HSD17B12: variants seen among roughly 807,000 people sequenced by gnomAD.
The protein encoded by HSD17B12 is hydroxysteroid 17-beta dehydrogenase 12.
A neutral mutation model predicts 39.3 loss-of-function variants in HSD17B12; 32 were observed. That is an observed-to-expected ratio of 0.81 (90% CI 0.61 to 1.09). The LOEUF is 1.09. HSD17B12 is among the 50% of genes least tolerant of loss of function. The probability of loss-of-function intolerance (pLI) is 0.00; values close to 1 mark genes in which losing one functional copy is unlikely to be tolerated. For missense variants in HSD17B12, 342 were observed against 382.9 expected, an observed-to-expected ratio of 0.89 and a Z score of 0.89; for synonymous variants, 150 against 146.7, an observed-to-expected ratio of 1.02 and a Z score of -0.16.
At position 43,757,378 on chromosome 11, in the gene HSD17B12, A is replaced by C. The variant is rs1200115643; in HGVS notation, c.283+3257A>C. ...GCCGGGCGCGGTGGCTCACGCCTGT[A>C]ATCCCAGCACTTTGGGAGGCCGAGG... On this transcript the variant is annotated intron_variant, in intron 3 of 10. Coordinates refer to ENST00000278353, the MANE Select transcript of HSD17B12 (RefSeq NM_016142.3). Among the ~76,000 whole-genome samples the C allele has an allele frequency of 3.9e-5, 6 of 152,158 alleles. No individual in the cohort carries two copies. In the East Asian group the frequency reaches 1.2e-3, roughly 29 times the overall value.
At chr11:43,567,930 T>G in the HSD17B12 span, among the ~76,000 whole-genome samples, 3 of 152,150 alleles carry the variant, frequency 2.0e-5, no homozygotes, top group African/African-American at 7.2e-5. Context: ...ATTCTTATGA[T>G]TCTCCTGAGT....
At chr11:43,684,464 GTT>G (rs1265908872) in intron 1 of HSD17B12, among the ~76,000 whole-genome samples, 1 of 152,220 alleles carries the variant, frequency 6.6e-6, no homozygotes, top group Non-Finnish European at 1.5e-5. Flanking sequence ...TATTTGAGTA[GTT>G]TCCATTGCTG....
chr11:43,759,814 A>G (rs1229144265), intron 3 of HSD17B12, among the ~76,000 whole-genome samples: 1 of 151,206 alleles, frequency 6.6e-6, no homozygotes, highest in Non-Finnish European at 1.5e-5. Context: ...TGTGACCTCA[A>G]CCTCCCAGGC....
At chr11:43,637,217 C>CT in the HSD17B12 span, among the ~76,000 whole-genome samples, 889 of 109,462 alleles carry the variant, frequency 8.1e-3, 21 homozygotes, top group East Asian at 0.03. Context: ...GGTGTTTTTC[C>CT]TTTTTTTTTT....
chr11:43,693,062 A>G (rs1440025793), intron 1 of HSD17B12, among the ~76,000 whole-genome samples: 11 of 152,208 alleles, frequency 7.2e-5, no homozygotes, highest in Non-Finnish European at 2.9e-5. Flanking sequence ...GATGTTAGCA[A>G]CCTCTTCACT....
At chr11:43,582,167 A>G in the HSD17B12 span, among the ~76,000 whole-genome samples, 9 of 152,262 alleles carry the variant, frequency 5.9e-5, no homozygotes, top group Admixed American at 4.6e-4. Flanking sequence ...TTCAAAACTA[A>G]GTAGCACGGA....
chr11:43,725,498 CA>C (rs1218601691), intron 1 of HSD17B12, among the ~76,000 whole-genome samples: 1 of 152,154 alleles, frequency 6.6e-6, no homozygotes, highest in African/African-American at 2.4e-5. Flanking sequence ...ACAGAATACA[CA>C]ACTATGGTGG....
At chr11:43,715,624 A>G (rs1259172741) in intron 1 of HSD17B12, among the ~76,000 whole-genome samples, 3 of 152,084 alleles carry the variant, frequency 2.0e-5, no homozygotes, top group African/African-American at 7.2e-5. Flanking sequence ...TGGTATCAGG[A>G]TGATGCTGGC....
chr11:43,580,280 G>A, the HSD17B12 span, among the ~76,000 whole-genome samples: 1 of 151,436 alleles, frequency 6.6e-6, no homozygotes, highest in East Asian at 2.0e-4. Flanking sequence ...TCCTCCCGCA[G>A]AAGGTGGAAT....
the HSD17B12 span, among the ~76,000 whole-genome samples, chr11:43,574,951 T>C: frequency 2.0e-5 from 3 of 152,196 alleles, no homozygotes; most frequent in African/African-American, 7.2e-5. Context: ...GTGAGTTTCC[T>C]CTTCGGGTGG....
the HSD17B12 span, among the ~76,000 whole-genome samples, chr11:43,587,034 C>T: frequency 6.6e-6 from 1 of 152,298 alleles, no homozygotes; most frequent in African/African-American, 2.4e-5. Flanking sequence ...ACAAAGCTGA[C>T]AAGCGGTGGA....
intron 1 of HSD17B12, among the ~76,000 whole-genome samples, chr11:43,730,431 A>G (rs968922358): frequency 1.3e-5 from 2 of 152,204 alleles, no homozygotes; most frequent in Non-Finnish European, 2.9e-5. Flanking sequence ...GGGGTTTACC[A>G]AAAAGTAGAA....
At position 43,831,071 on chromosome 11, in the gene HSD17B12, G is replaced by GA. The variant is rs1951305205; in HGVS notation, c.536+63dup. On this transcript the variant is annotated intron_variant, in intron 7 of 10. Coordinates refer to ENST00000278353, the MANE Select transcript of HSD17B12 (RefSeq NM_016142.3). This position sits in a 1 kb window ranked among gnomAD's most constrained non-coding sequence, Gnocchi z 4.1. ...CAGAGCTCATGATTATTTAGAGGGA[G>GA]AATCCTTGCTTTGAAAAAATCACTG... 2 of 1,468,326 alleles carry GA rather than the reference G, an allele frequency of 1.4e-6. No individual in the cohort carries two copies. Among genetic ancestry groups the GA allele is most frequent in the African/African-American group, 2.8e-5 (2 of 70,214 alleles). The allele number at this position is 1,468,326 out of a possible 1,614,324, so 91.0% of individuals were successfully genotyped here.
the HSD17B12 span, among the ~76,000 whole-genome samples, chr11:43,647,615 G>T: frequency 6.6e-6 from 1 of 152,046 alleles, no homozygotes; most frequent in African/African-American, 2.4e-5. Context: ...GTGAACATTT[G>T]TAAGGGTAAA....
chr11:43,598,164 C>T, the HSD17B12 span, among the ~76,000 whole-genome samples: 5 of 152,100 alleles, frequency 3.3e-5, no homozygotes, highest in Non-Finnish European at 5.9e-5. Flanking sequence ...GAATGGCCTC[C>T]AGACACCCAG....
the HSD17B12 span, chr11:43,644,404 C>T: frequency 1.3e-5 from 2 of 152,276 alleles, no homozygotes; most frequent in African/African-American, 2.4e-5. Context: ...GATGGGTTAA[C>T]ATTGGGATTT....
the HSD17B12 span, among the ~76,000 whole-genome samples, chr11:43,619,200 T>TATATATATATATAAAATATATATATATG: frequency 2.0e-4 from 10 of 49,546 alleles, no homozygotes; most frequent in South Asian, 1.4e-3. Flanking sequence ...ATATATATGA[T>TATATATATATATAAAATATATATATATG]ATATATATAT....
chr11:43,619,991 G>A, the HSD17B12 span, among the ~76,000 whole-genome samples: 2 of 152,192 alleles, frequency 1.3e-5, no homozygotes, highest in Admixed American at 1.3e-4. Context: ...CTGGTTAAAA[G>A]GGAAAACTGC....
At chr11:43,648,506 C>T in the HSD17B12 span, among the ~76,000 whole-genome samples, 4 of 152,018 alleles carry the variant, frequency 2.6e-5, no homozygotes, top group East Asian at 3.9e-4. Flanking sequence ...ATGATTTGGC[C>T]GTTTCAGAAG....
Sources: gnomAD v4.1 joint callset for allele counts (sites outside exome capture counted in the v4.1 genomes callset) on GRCh38, gnomAD v4.1.1 for gene constraint, Gnocchi (gnomAD v3.1) non-coding constraint, MANE v1.5 for transcripts, NCBI Gene and HGNC (gene_info 2026-07-23, HGNC 2026-07-21) for gene names.